MPPED2: variants seen among roughly 807,000 people sequenced by gnomAD.
The protein encoded by MPPED2 is metallophosphoesterase MPPED2.
A neutral mutation model predicts 33.0 loss-of-function variants in MPPED2; 5 were observed. The observed-to-expected ratio is 0.15, with a 90% CI of 0.08 to 0.32. The LOEUF is 0.32. Ranked by LOEUF, MPPED2 falls within the 10% of genes least tolerant of loss-of-function variation. The probability of loss-of-function intolerance (pLI) is 1.00; values close to 1 mark genes in which losing one functional copy is unlikely to be tolerated. For synonymous variants in MPPED2, 136 were observed against 141.9 expected, an observed-to-expected ratio of 0.96 and a Z score of 0.29; for missense variants, 275 against 372.1, an observed-to-expected ratio of 0.74 and a Z score of 2.15.
Position 30,411,174 on chromosome 11 carries a change from A to G in MPPED2, c.*294T>C. 1 of 1,040,928 alleles carries G rather than the reference A, an allele frequency of 9.6e-7. No individual in the cohort carries two copies. Among genetic ancestry groups the G allele is most frequent in the Non-Finnish European group, 1.2e-6 (1 of 865,574 alleles). 64.5% of individuals were successfully genotyped at this position (1,040,928 alleles called of 1,614,324 possible). ...AGCATATTAAAATAAGACTTTTATC[A>G]CTTTTTAAAAGAAAGCTTGGCTGTC... is the stretch of plus-strand genomic sequence containing the variant. On this transcript the variant is annotated 3_prime_UTR_variant, in exon 7 of 7. Coordinates refer to ENST00000358117, the MANE Select transcript of MPPED2 (RefSeq NM_001584.3).
chr11:30,389,456 G>A (rs1299800233), intron 6 of MPPED2, among the ~76,000 whole-genome samples: 1 of 152,190 alleles, frequency 6.6e-6, no homozygotes, highest in African/African-American at 2.4e-5. Context: ...TGGTCCTCCT[G>A]CTAAGCTGCT....
At chr11:30,482,904 T>C (rs1275283568) in intron 4 of MPPED2, among the ~76,000 whole-genome samples, 1 of 152,212 alleles carries the variant, frequency 6.6e-6, no homozygotes, top group Non-Finnish European at 1.5e-5. Context: ...TCAAACTCTG[T>C]AGAAGGTAAT....
At chr11:30,473,670 GTATTACTTCT>G (rs1951049975) in intron 4 of MPPED2, among the ~76,000 whole-genome samples, 2 of 152,076 alleles carry the variant, frequency 1.3e-5, no homozygotes, top group Admixed American at 1.3e-4. Flanking sequence ...AAGTGATGGA[GTATTACTTCT>G]GAGATTAGAT....
downstream of MPPED2, among the ~76,000 whole-genome samples, chr11:30,384,313 T>C (rs547174791): frequency 9.2e-5 from 14 of 152,304 alleles, no homozygotes; most frequent in East Asian, 2.7e-3. Flanking sequence ...GTATAAAGTA[T>C]GACAAAGCAG....
chr11:30,540,044 T>C (rs1212482843), intron 2 of MPPED2, among the ~76,000 whole-genome samples: 3 of 152,192 alleles, frequency 2.0e-5, no homozygotes, highest in African/African-American at 7.2e-5. Flanking sequence ...ATTCTGTACC[T>C]CTGAGAAAGC....
intron 2 of MPPED2, among the ~76,000 whole-genome samples, chr11:30,537,458 A>G (rs1043375071): frequency 1.3e-5 from 2 of 152,214 alleles, no homozygotes; most frequent in Non-Finnish European, 2.9e-5. Context: ...TATTGCCTCT[A>G]CAGGCTTTGT....
At chr11:30,543,662 G>A (rs896370301) in intron 2 of MPPED2, among the ~76,000 whole-genome samples, 26 of 152,174 alleles carry the variant, frequency 1.7e-4, no homozygotes, top group Non-Finnish European at 3.4e-4. Context: ...TGCAATTTAC[G>A]ACTGTAGACT....
At chr11:30,560,851 CA>C (rs1384898253) in intron 2 of MPPED2, among the ~76,000 whole-genome samples, 1 of 152,106 alleles carries the variant, frequency 6.6e-6, no homozygotes, top group African/African-American at 2.4e-5. Context: ...TGCTACCCCC[CA>C]CCTGGTGTGG....
chr11:30,518,422 C>T (rs1297632875), intron 3 of MPPED2, among the ~76,000 whole-genome samples: 1 of 152,210 alleles, frequency 6.6e-6, no homozygotes, highest in Non-Finnish European at 1.5e-5. Context: ...ATTCTGCACT[C>T]AGATTGTTTC....
At chr11:30,430,189 C>T (rs1949015151) in intron 4 of MPPED2, among the ~76,000 whole-genome samples, 1 of 151,982 alleles carries the variant, frequency 6.6e-6, no homozygotes, top group Admixed American at 6.6e-5. Context: ...TTTTAAAAAG[C>T]AAAGGTCATT....
chr11:30,484,455 G>A (rs1951631042), intron 4 of MPPED2, among the ~76,000 whole-genome samples: 1 of 151,908 alleles, frequency 6.6e-6, no homozygotes, highest in Non-Finnish European at 1.5e-5. Flanking sequence ...ATGCAGATTT[G>A]TAGCTCACCT....
intron 3 of MPPED2, among the ~76,000 whole-genome samples, chr11:30,532,559 CT>C: frequency 6.6e-6 from 1 of 152,260 alleles, no homozygotes; most frequent in African/African-American, 2.4e-5. Context: ...ACAGTATGAG[CT>C]TTATCACAGA....
intron 2 of MPPED2, among the ~76,000 whole-genome samples, chr11:30,564,520 A>T (rs550002756): frequency 4.7e-4 from 71 of 152,198 alleles, no homozygotes; most frequent in Non-Finnish European, 7.9e-4. Flanking sequence ...ATGGATAAGA[A>T]CACAGAGAAG....
rs79877182 is a variant in MPPED2 at position 30,450,377 on chromosome 11, A to G, written c.537-32744T>C. On this transcript the variant is annotated intron_variant, in intron 4 of 6. Coordinates refer to ENST00000358117, the MANE Select transcript of MPPED2 (RefSeq NM_001584.3). ...TAAAAATAGACATTGTGTATAAGTT[A>G]TTCCTTTATTTCAGGTGTGACACAG... is the stretch of plus-strand genomic sequence containing the variant. 9.1e-3 allele frequency among the ~76,000 whole-genome samples: 1,380 copies of G among 152,328 alleles called. 32 individuals are homozygous for G. Among genetic ancestry groups the G allele is most frequent in the African/African-American group, 0.029 (1,215 of 41,574 alleles).
At chr11:30,396,121 A>G (rs2133701599) in intron 6 of MPPED2, among the ~76,000 whole-genome samples, 1 of 152,250 alleles carries the variant, frequency 6.6e-6, no homozygotes, top group South Asian at 2.1e-4. Flanking sequence ...TTTGCTATTC[A>G]CAACAGATGA....
At chr11:30,573,047 G>A (rs1487031551) in intron 2 of MPPED2, among the ~76,000 whole-genome samples, 1 of 152,136 alleles carries the variant, frequency 6.6e-6, no homozygotes, top group Admixed American at 6.5e-5. Context: ...CAGATTCCCT[G>A]AAACGCTATC....
At chr11:30,471,582 A>T (rs1950946840) in intron 4 of MPPED2, among the ~76,000 whole-genome samples, 2 of 152,220 alleles carry the variant, frequency 1.3e-5, no homozygotes, top group African/African-American at 2.4e-5. Flanking sequence ...CTCCCAAGTC[A>T]TCTTACAAAA....
chr11:30,454,168 T>C (rs1054804210), intron 4 of MPPED2, among the ~76,000 whole-genome samples: 14 of 152,364 alleles, frequency 9.2e-5, no homozygotes, highest in Middle Eastern at 3.4e-3. Context: ...TTAATCCTGA[T>C]GACATTTCTA....
At chr11:30,514,938 T>G (rs1242523382) in intron 3 of MPPED2, among the ~76,000 whole-genome samples, 1 of 152,038 alleles carries the variant, frequency 6.6e-6, no homozygotes, top group Non-Finnish European at 1.5e-5. Context: ...CTACTAAAAC[T>G]GCAAAAATTA....
Sources: allele counts gnomAD v4.1 joint callset (sites outside exome capture counted in the v4.1 genomes callset), GRCh38; gene constraint gnomAD v4.1.1; transcripts MANE v1.5; gene names NCBI Gene and HGNC (gene_info 2026-07-23, HGNC 2026-07-21).